Variants in CCDC30 observed in about 807,000 individuals in gnomAD.
The protein encoded by CCDC30 is coiled-coil domain-containing protein 30.
Under a neutral mutation model 100.2 loss-of-function variants are expected in CCDC30, and 70 were observed. That is an observed-to-expected ratio of 0.70 (90% CI 0.58 to 0.85). The LOEUF (loss-of-function observed/expected upper bound fraction) is 0.85. CCDC30 is among the 40% of genes least tolerant of loss of function. The pLI is 0.00. For synonymous variants in CCDC30, 233 were observed against 269.5 expected, an observed-to-expected ratio of 0.86 and a Z score of 1.33; for missense variants, 652 against 771.2, an observed-to-expected ratio of 0.85 and a Z score of 1.83.
At chr1:42,496,363 C>G (rs1644232433) in intron 4 of CCDC30, among the ~76,000 whole-genome samples, 1 of 152,106 alleles carries the variant, frequency 6.6e-6, no homozygotes, top group African/African-American at 2.4e-5. Context: ...AAAATGTTCT[C>G]TAGAACTCTA....
chr1:42,616,767 G>A (rs889768173), intron 11 of CCDC30, among the ~76,000 whole-genome samples: 6 of 152,186 alleles, frequency 3.9e-5, no homozygotes, highest in Non-Finnish European at 5.9e-5. Flanking sequence ...CAATAGTAGC[G>A]ACAAATAGCC....
intron 1 of CCDC30, among the ~76,000 whole-genome samples, chr1:42,465,340 C>T (rs1643537887): frequency 6.6e-6 from 1 of 151,980 alleles, no homozygotes; most frequent in Admixed American, 6.6e-5. Context: ...CATTCTAGGA[C>T]AGTTTTTTTT....
At chr1:42,622,621 C>A (rs1371188948) in intron 11 of CCDC30, among the ~76,000 whole-genome samples, 2 of 151,976 alleles carry the variant, frequency 1.3e-5, no homozygotes, top group African/African-American at 4.8e-5. Context: ...CGTACTTATG[C>A]ACCACCGCAC....
intron 8 of CCDC30, among the ~76,000 whole-genome samples, chr1:42,579,409 G>A (rs1207786255): frequency 3.3e-5 from 5 of 151,734 alleles, no homozygotes; most frequent in African/African-American, 1.2e-4. Flanking sequence ...CAAGGTGGGT[G>A]GATCACCTGA....
upstream of CCDC30, among the ~76,000 whole-genome samples, chr1:42,458,786 T>C (rs764977371): frequency 7.2e-5 from 11 of 152,196 alleles, no homozygotes; most frequent in Non-Finnish European, 1.3e-4. Flanking sequence ...TGAGAAGGGA[T>C]TGGGGATGAG....
intron 15 of CCDC30, among the ~76,000 whole-genome samples, chr1:42,647,379 G>A (rs916866618): frequency 4.6e-5 from 7 of 152,286 alleles, no homozygotes; most frequent in African/African-American, 1.2e-4. Flanking sequence ...CCAATTCAGC[G>A]AGAGAATATA....
At chr1:42,630,347 TG>T (rs1249342596) in intron 11 of CCDC30, among the ~76,000 whole-genome samples, 3 of 152,046 alleles carry the variant, frequency 2.0e-5, no homozygotes, top group Non-Finnish European at 4.4e-5. Context: ...TTTTGTCTTT[TG>T]TCTCCTCTGC....
intron 8 of CCDC30, chr1:42,581,000 G>A (rs567776873): frequency 1.1e-4 from 40 of 358,766 alleles, no homozygotes; most frequent in African/African-American, 6.8e-4. Context: ...CACCACGCCC[G>A]GCTAATTTTT....
At chr1:42,497,357 G>A (rs1644246482) in intron 5 of CCDC30, 144 bp downstream of exon 5, 2 of 410,716 alleles carry the variant, frequency 4.9e-6, no homozygotes, top group South Asian at 2.7e-4. Context: ...GGGATGCCAT[G>A]CTTTGACCTA....
At chr1:42,556,064 T>G in intron 6 of CCDC30, 92 bp from the exon 10 acceptor site, 1 of 1,266,796 alleles carries the variant, frequency 7.9e-7, no homozygotes, top group East Asian at 2.4e-5. Context: ...AAAATCTTGT[T>G]TGCAACACTG....
At chr1:42,457,955 CA>C in the CCDC30 span, among the ~76,000 whole-genome samples, 65 of 101,056 alleles carry the variant, frequency 6.4e-4, no homozygotes, top group South Asian at 3.0e-3. Context: ...TACTCCGTCG[CA>C]AAAAAAAAAA....
At chr1:42,477,194 GAAGATA>G (rs1643893167) in intron 1 of CCDC30, among the ~76,000 whole-genome samples, 1 of 151,910 alleles carries the variant, frequency 6.6e-6, no homozygotes. Context: ...GCAAGAAACA[GAAGATA>G]TTGTATGTCC....
chr1:42,580,296 C>T (rs912447609), intron 8 of CCDC30, among the ~76,000 whole-genome samples: 28 of 152,274 alleles, frequency 1.8e-4, no homozygotes, highest in African/African-American at 6.7e-4. Context: ...TCTGCATCTT[C>T]TTCTCTCTCA....
At position 42,632,954 on chromosome 1, in the gene CCDC30, T is replaced by C. The variant is rs149377101; in HGVS notation, c.1278-4283T>C. On this transcript the variant is annotated intron_variant, in intron 11 of 16. Transcript: ENST00000668663. ...TCTCCTGAGTAGCTGGGATTACAGA[T>C]GTGCGTCACTATGCCCAGCTAATTT... 4.6e-5 allele frequency among the ~76,000 whole-genome samples: 7 copies of C among 151,948 alleles called. No homozygotes were observed. The East Asian group carries it at 9.9e-4, about 21-fold the overall frequency.
intron 10 of CCDC30, chr1:42,592,888 T>G (rs2148612461): frequency 6.6e-6 from 1 of 152,380 alleles, no homozygotes; most frequent in East Asian, 1.9e-4. Context: ...GGCACCACGC[T>G]TTCTGTATAG....
chr1:42,626,178 C>T (rs1646929950), intron 11 of CCDC30, among the ~76,000 whole-genome samples: 1 of 151,984 alleles, frequency 6.6e-6, no homozygotes, highest in African/African-American at 2.4e-5. Context: ...GCTACTTCTG[C>T]TCTTTTTTGG....
chr1:42,609,327 A>T (rs1449886178), intron 10 of CCDC30, among the ~76,000 whole-genome samples: 1 of 152,142 alleles, frequency 6.6e-6, no homozygotes, highest in Admixed American at 6.5e-5. Context: ...ACTTTATTGC[A>T]AGAGTACAAT....
chr1:42,543,964 C>T (rs1645069806), intron 6 of CCDC30, among the ~76,000 whole-genome samples: 2 of 152,176 alleles, frequency 1.3e-5, no homozygotes, highest in Admixed American at 6.5e-5. Context: ...TTCAGACAGG[C>T]TCAGGATATG....
At chr1:42,461,020 C>G (rs1438660607), upstream of CCDC30, among the ~76,000 whole-genome samples, 1 of 152,158 alleles carries the variant, frequency 6.6e-6, no homozygotes, top group Admixed American at 6.5e-5. Flanking sequence ...GCACAAGTAG[C>G]ATAGTGCAAA....
Sources: allele counts gnomAD v4.1 joint callset (sites outside exome capture counted in the v4.1 genomes callset), GRCh38; gene constraint gnomAD v4.1.1; transcripts MANE v1.5; gene names NCBI Gene and HGNC (gene_info 2026-07-23, HGNC 2026-07-21).